DDX10: variants seen among roughly 807,000 people sequenced by gnomAD.
The protein encoded by DDX10 is probable ATP-dependent RNA helicase DDX10.
A neutral mutation model predicts 104.3 loss-of-function variants in DDX10; 74 were observed. The observed-to-expected ratio is 0.71, with a 90% CI of 0.59 to 0.86. The LOEUF is 0.86. DDX10 is among the 40% of genes least tolerant of loss of function. DDX10 has a pLI of 0.00. For synonymous variants in DDX10, 351 were observed against 353.4 expected (o/e 0.99, Z 0.08); for missense variants, 952 against 1,040.0 (o/e 0.92, Z 1.16).
intron 16 of DDX10, among the ~76,000 whole-genome samples, chr11:108,863,904 A>G (rs966387444): frequency 6.6e-6 from 1 of 151,268 alleles, no homozygotes; most frequent in African/African-American, 2.5e-5. Context: ...AGCCTTTATC[A>G]TTTACTGCCA....
rs184022115 is a variant in DDX10, at chr11:108,819,043, T to G, written c.1966-19403T>G. ...GTATGGTGCAATGTTTTTGCAACAC[T>G]TGAGAGGAGATTGTTTTCATAGAGT... On this transcript the variant is annotated intron_variant, in intron 13 of 17. Coordinates refer to ENST00000322536, the MANE Select transcript of DDX10 (RefSeq NM_004398.4). Among the ~76,000 whole-genome samples the G allele has an allele frequency of 8.6e-4, 131 of 152,328 alleles. 1 individual carries two copies. Among genetic ancestry groups the G allele is most frequent in the African/African-American group, 3.1e-3 (128 of 41,570 alleles).
intron 16 of DDX10, among the ~76,000 whole-genome samples, chr11:108,852,934 A>G (rs757736582): frequency 6.6e-6 from 1 of 152,162 alleles, no homozygotes; most frequent in Non-Finnish European, 1.5e-5. Flanking sequence ...TCTTCTTGGC[A>G]GTTAGCAAAG....
intron 16 of DDX10, among the ~76,000 whole-genome samples, chr11:108,915,365 A>G (rs1228613085): frequency 1.3e-5 from 2 of 152,004 alleles, no homozygotes; most frequent in African/African-American, 2.4e-5. Context: ...GTATTCACCA[A>G]TATTTCTCAA....
chr11:108,735,586 C>A (rs754924473), intron 13 of DDX10, among the ~76,000 whole-genome samples: 1 of 151,968 alleles, frequency 6.6e-6, no homozygotes, highest in Non-Finnish European at 1.5e-5. Context: ...TGTTCCTCCT[C>A]CCCCATAGGT....
At chr11:108,844,535 T>G (rs1241988953) in intron 15 of DDX10, among the ~76,000 whole-genome samples, 3 of 152,210 alleles carry the variant, frequency 2.0e-5, no homozygotes, top group Non-Finnish European at 4.4e-5. Context: ...AATGTTTTCT[T>G]AAGTGGCACA....
chr11:108,743,003 G>A (rs1276520092), intron 13 of DDX10, among the ~76,000 whole-genome samples: 1 of 152,146 alleles, frequency 6.6e-6, no homozygotes, highest in Admixed American at 6.5e-5. Context: ...CCAAAAAATT[G>A]AGGAGAAGGG....
At chr11:108,752,606 G>A (rs1490510871) in intron 13 of DDX10, among the ~76,000 whole-genome samples, 3 of 152,076 alleles carry the variant, frequency 2.0e-5, no homozygotes, top group African/African-American at 7.2e-5. Context: ...TGAATCAGTT[G>A]GAACAATTTT....
At chr11:108,750,793 T>C (rs2094337530) in intron 13 of DDX10, among the ~76,000 whole-genome samples, 1 of 151,238 alleles carries the variant, frequency 6.6e-6, no homozygotes, top group South Asian at 2.1e-4. Flanking sequence ...AGGGTCTCAC[T>C]GTTACCTAGG....
At chr11:108,674,385 G>A (rs11212751) in intron 2 of DDX10, among the ~76,000 whole-genome samples, 25,437 of 151,932 alleles carry the variant, frequency 0.17, 2,325 homozygotes, top group East Asian at 0.3. Flanking sequence ...CAAACTAATT[G>A]TATATGTGCT....
chr11:108,682,713 G>A (rs2094237301), intron 6 of DDX10, among the ~76,000 whole-genome samples: 1 of 152,072 alleles, frequency 6.6e-6, no homozygotes, highest in African/African-American at 2.4e-5. Context: ...TATTTATTTA[G>A]ACTTACCCAG....
intron 16 of DDX10, among the ~76,000 whole-genome samples, chr11:108,867,027 G>A (rs1049147778): frequency 1.3e-5 from 2 of 152,294 alleles, no homozygotes; most frequent in African/African-American, 4.8e-5. Flanking sequence ...ATCAAGATGA[G>A]TGTTTGTGAA....
intron 16 of DDX10, among the ~76,000 whole-genome samples, chr11:108,902,596 A>AT (rs777330016): frequency 4.3e-4 from 65 of 151,894 alleles, no homozygotes; most frequent in Non-Finnish European, 7.5e-4. Flanking sequence ...AAAGTTAAGG[A>AT]TTTTTTTTCT....
intron 13 of DDX10, among the ~76,000 whole-genome samples, chr11:108,825,360 C>T (rs1173461903): frequency 6.6e-6 from 1 of 152,206 alleles, no homozygotes; most frequent in East Asian, 1.9e-4. Flanking sequence ...GTGACAGGTA[C>T]GCATGCTCGG....
chr11:108,870,124 A>T (rs1392291379), intron 16 of DDX10, among the ~76,000 whole-genome samples: 1 of 152,148 alleles, frequency 6.6e-6, no homozygotes, highest in East Asian at 1.9e-4. Context: ...GTTTCTTGTA[A>T]ATCTACAGTT....
At chr11:108,771,650 T>C (rs1447098645) in intron 13 of DDX10, among the ~76,000 whole-genome samples, 1 of 152,168 alleles carries the variant, frequency 6.6e-6, no homozygotes, top group Non-Finnish European at 1.5e-5. Flanking sequence ...AGAAGGAGAC[T>C]TGGTTCTGGA....
intron 13 of DDX10, among the ~76,000 whole-genome samples, chr11:108,723,733 G>T (rs932977926): frequency 3.9e-5 from 6 of 152,122 alleles, no homozygotes; most frequent in Non-Finnish European, 1.5e-5. Context: ...CCAAAGTCCT[G>T]ATTAAGTCTC....
At chr11:108,873,277 A>C (rs1185087275) in intron 16 of DDX10, among the ~76,000 whole-genome samples, 2 of 152,160 alleles carry the variant, frequency 1.3e-5, no homozygotes, top group African/African-American at 4.8e-5. Flanking sequence ...AGTTTGAGAA[A>C]AACTTGACAT....
chr11:108,767,458 T>G (rs923848029), intron 13 of DDX10: 1 of 152,216 alleles, frequency 6.6e-6, no homozygotes, highest in Non-Finnish European at 1.5e-5. Context: ...AAGATTAGAC[T>G]GCCTTCACTG....
chr11:108,937,367 C>G (rs923471505), intron 17 of DDX10, among the ~76,000 whole-genome samples: 1 of 152,114 alleles, frequency 6.6e-6, no homozygotes, highest in African/African-American at 2.4e-5. Flanking sequence ...GAAATCAACC[C>G]TATTAAAAAA....
Sources: allele counts gnomAD v4.1 joint callset (sites outside exome capture counted in the v4.1 genomes callset), GRCh38; gene constraint gnomAD v4.1.1; transcripts MANE v1.5; gene names NCBI Gene and HGNC (gene_info 2026-07-23, HGNC 2026-07-21).